The following YTHDC2 variants were observed in gnomAD, a reference collection of about 807,000 sequenced individuals.
YTHDC2 encodes YTH N6-methyladenosine RNA binding protein C2.
YTHDC2 carries 45 observed loss-of-function variants against 174.9 expected under a neutral mutation model. That is an observed-to-expected ratio of 0.26 (90% CI 0.20 to 0.33). YTHDC2 has a LOEUF of 0.33. Among genes scored for constraint, YTHDC2 ranks in the 10% least tolerant of loss-of-function variants. The probability of loss-of-function intolerance (pLI) is 1.00; values close to 1 mark genes in which losing one functional copy is unlikely to be tolerated. For missense variants in YTHDC2, 1,650 were observed against 1,723.7 expected (o/e 0.96, Z 0.76); for synonymous variants, 657 against 574.5 (o/e 1.14, Z -2.05).
chr5:113,554,407 T>A (rs1470752074), intron 16 of YTHDC2, among the ~76,000 whole-genome samples: 2 of 152,112 alleles, frequency 1.3e-5, no homozygotes, highest in Non-Finnish European at 2.9e-5. Flanking sequence ...GTTTTCCTTC[T>A]ACATATGCAC....
chr5:113,521,696 A>C (rs1484594298), intron 2 of YTHDC2, among the ~76,000 whole-genome samples: 2 of 150,692 alleles, frequency 1.3e-5, no homozygotes, highest in African/African-American at 4.9e-5. Flanking sequence ...GTGCCACTGC[A>C]CTCCAGCCTG....
At chr5:113,526,500 A>T in intron 3 of YTHDC2, 86 bp from the exon 4 acceptor site, 2 of 1,071,206 alleles carry the variant, frequency 1.9e-6, no homozygotes, top group Non-Finnish European at 1.3e-6. Context: ...ATGTTTTTCT[A>T]GGTTTGGCAA....
At position 113,595,058 on chromosome 5, in the gene YTHDC2, A is replaced by C. The variant is rs1033176585; in HGVS notation, c.*1584A>C. On this transcript the variant is annotated 3_prime_UTR_variant, in exon 30 of 30. Transcript: ENST00000161863. The stretch of plus-strand genomic sequence containing the variant: ...TAGAGCAACTTGTGTTTCCCTGATA[A>C]TGTGTACATTTTTTAGGCATGTACT... 6.6e-6 allele frequency: 1 copy of C among 152,070 alleles called. No individual in the cohort carries two copies. Among genetic ancestry groups the C allele is most frequent in the Non-Finnish European group, 1.5e-5 (1 of 68,006 alleles). 9.4% of individuals were successfully genotyped at this position (152,070 alleles called of 1,614,324 possible).
rs1778285064 is a variant in YTHDC2 at position 113,579,761 on chromosome 5, T to C, written c.3354+66T>C. On this transcript the variant is annotated intron_variant, in intron 24 of 29. Transcript: ENST00000161863. ...AGTTAGTGTGAATTGATATATAATATGATAAAATTTTTTTCTTTACTATTG... is the reference window on the plus strand; with the variant it reads ...AGTTAGTGTGAATTGATATATAATACGATAAAATTTTTTTCTTTACTATTG... 3.5e-6 allele frequency: 5 copies of C among 1,417,330 alleles called. No homozygotes were observed. The Admixed American group carries it at 8.2e-5, about 23-fold the overall frequency. The allele number at this position is 1,417,330 out of a possible 1,614,324, so 87.8% of individuals were successfully genotyped here.
rs376371968 is a variant in YTHDC2 at position 113,563,417 on chromosome 5, C to A, written c.2367C>A (p.Pro789=). Residue 789 remains proline (P), a synonymous_variant, in exon 19 of 30, where the codon CCC becomes CCA. Transcript: ENST00000161863. The stretch of plus-strand genomic sequence containing the variant: ...AGCTGTTAGCCCCAGTTAATTGTCC[C>A]ATTGCTGATTTTCTTATGAAAGCTC... ...HTKLLAPVNC[P]IADFLMKAPE... is the part of the protein sequence containing the mutation. 1.2e-6 allele frequency: 2 copies of A among 1,610,992 alleles called. No homozygotes were observed. The highest frequency in any genetic ancestry group is 2.7e-5 in the African/African-American group (2 of 74,868).
intron 23 of YTHDC2, among the ~76,000 whole-genome samples, chr5:113,573,224 T>C (rs962500707): frequency 9.2e-5 from 14 of 152,206 alleles, no homozygotes; most frequent in Non-Finnish European, 1.8e-4. Flanking sequence ...CCTTCACTTA[T>C]AAAGCTCAGT....
At position 113,553,288 on chromosome 5, in the gene YTHDC2, T is replaced by A. The variant is rs1342223399; in HGVS notation, c.1796T>A (p.Phe599Tyr). 1.2e-6 allele frequency: 2 copies of A among 1,611,900 alleles called. No homozygotes were observed. The highest frequency in any genetic ancestry group is 1.7e-4 in the Middle Eastern group (1 of 6,054). ...RELLKAYHHS[F>Y]DDEKVDLDLI... ...CTCCTGAAAGCTTATCATCATAGTT[T>A]CGATGATGAAAAAGTAGACTTGGAT... The change falls in exon 13 of 30, where the codon TTC becomes TAC. Residue 599 changes from phenylalanine (F) to tyrosine (Y), a missense_variant. Physicochemically the swap from Phe to Tyr is conservative, Grantham distance 22. Transcript: ENST00000161863.
intron 17 of YTHDC2, among the ~76,000 whole-genome samples, chr5:113,558,306 C>G (rs527717191): frequency 2.6e-5 from 4 of 152,150 alleles, no homozygotes; most frequent in African/African-American, 9.7e-5. Flanking sequence ...TCTTTCAGCT[C>G]TCTGAAGAAT....
At position 113,581,545 on chromosome 5, in the gene YTHDC2, C is replaced by T; in HGVS notation, c.3483C>T (p.Ser1161=). The T allele has an allele frequency of 5.0e-6, 8 of 1,613,960 alleles. No individual in the cohort carries two copies. The highest frequency in any genetic ancestry group is 6.8e-6 in the Non-Finnish European group (8 of 1,179,888). ...TAAGAGCAATTATAGCTGTTTTAAG[C>T]ACTGAAGAACAGTCTGCAGGTTTAC... ...ATIRAIIAVL[S]TEEQSAGLQQ... The change falls in exon 25 of 30, where the codon AGC becomes AGT. Residue 1161 remains serine, a synonymous_variant. Transcript: ENST00000161863.
intron 10 of YTHDC2, among the ~76,000 whole-genome samples, chr5:113,544,073 C>T (rs1775674952): frequency 6.6e-6 from 1 of 152,102 alleles, no homozygotes. Flanking sequence ...GAAACTTTGT[C>T]AGTTTTACTT....
In YTHDC2 at chr5:113,562,655, G is replaced by T. The variant is rs116451771; in HGVS notation, c.2323-718G>T. ...ACGTCTTTTTTCCTTCTGCCTTACA[G>T]CTTTCACAGGTATCTACTCTCTCCT... On this transcript the variant is annotated intron_variant, in intron 18 of 29. Coordinates refer to ENST00000161863, the MANE Select transcript of YTHDC2 (RefSeq NM_022828.5). Among the ~76,000 whole-genome samples the T allele has an allele frequency of 3.7e-3, 562 of 152,168 alleles. 5 individuals are homozygous for T. Among genetic ancestry groups the T allele is most frequent in the African/African-American group, 0.013 (538 of 41,500 alleles).
intron 1 of YTHDC2, 198 bp downstream of exon 1, chr5:113,514,280 T>C (rs980838183): frequency 1.9e-5 from 14 of 725,058 alleles, no homozygotes; most frequent in Non-Finnish European, 3.4e-5. Flanking sequence ...TGCGAGGTGC[T>C]CTGCGGATCA....
chr5:113,531,348 G>A (rs1056367378), intron 4 of YTHDC2, among the ~76,000 whole-genome samples: 8 of 152,066 alleles, frequency 5.3e-5, no homozygotes, highest in South Asian at 2.1e-4. Context: ...TTGTAGCTGC[G>A]GTCCCATCAG....
intron 4 of YTHDC2, 30 bp downstream of exon 4, chr5:113,526,815 A>C (rs1774276657): frequency 8.9e-6 from 3 of 338,484 alleles, no homozygotes; most frequent in Non-Finnish European, 1.2e-5. Flanking sequence ...TTTATAGAAA[A>C]AAAAAAAAAA....
chr5:113,562,995 A>C (rs1243926486), intron 18 of YTHDC2, among the ~76,000 whole-genome samples: 1 of 152,164 alleles, frequency 6.6e-6, no homozygotes, highest in Non-Finnish European at 1.5e-5. Flanking sequence ...AGGGCCTTGC[A>C]CTTAGAAAGC....
chr5:113,591,403 A>G (rs527259728), intron 27 of YTHDC2, among the ~76,000 whole-genome samples, 159 bp downstream of exon 27: 4 of 152,320 alleles, frequency 2.6e-5, no homozygotes, highest in African/African-American at 9.6e-5. Context: ...AGAGGATGAT[A>G]GAACTGGAAT....
intron 2 of YTHDC2, among the ~76,000 whole-genome samples, chr5:113,520,984 G>A (rs1773825901): frequency 6.6e-6 from 1 of 152,092 alleles, no homozygotes; most frequent in Admixed American, 6.5e-5. Flanking sequence ...TCATCATTTA[G>A]CTCCTACTTA....
chr5:113,528,717 G>C (rs58391392), intron 4 of YTHDC2, among the ~76,000 whole-genome samples: 49,266 of 151,954 alleles, frequency 0.32, 10,004 homozygotes, highest in African/African-American at 0.56. Context: ...ACATGTTGCC[G>C]AGGCTGGTCT....
intron 2 of YTHDC2, among the ~76,000 whole-genome samples, chr5:113,520,353 CAGAT>C (rs1773779523): frequency 6.6e-6 from 1 of 152,054 alleles, no homozygotes; most frequent in Non-Finnish European, 1.5e-5. Context: ...CTACCTAACT[CAGAT>C]AAAGAAGATA....
Sources: allele counts gnomAD v4.1 joint callset (sites outside exome capture counted in the v4.1 genomes callset), GRCh38; gene constraint gnomAD v4.1.1; transcripts MANE v1.5; gene names NCBI Gene and HGNC (gene_info 2026-07-23, HGNC 2026-07-21).